The following SPTB variants were observed in gnomAD, a reference collection of about 807,000 sequenced individuals.
SPTB encodes the protein spectrin beta chain, erythrocytic.
Under a neutral mutation model 256.2 loss-of-function variants are expected in SPTB, and 45 were observed. That is an observed-to-expected ratio of 0.18 (90% confidence interval 0.14 to 0.23). The LOEUF (loss-of-function observed/expected upper bound fraction) is 0.23, where lower values mean the gene tolerates loss of function less well. Ranked by LOEUF, SPTB falls within the 10% of genes least tolerant of loss-of-function variation. The pLI, the probability that SPTB is intolerant of heterozygous loss-of-function variation, is 1.00. For synonymous variants in SPTB, 1,231 were observed against 1,243.1 expected, an observed-to-expected ratio of 0.99 and a Z score of 0.21; for missense variants, 2,715 against 3,040.4, an observed-to-expected ratio of 0.89 and a Z score of 2.52.
intron 20 of SPTB, among the ~76,000 whole-genome samples, chr14:64,781,030 C>T (rs2082460353): frequency 6.6e-6 from 1 of 152,092 alleles, no homozygotes; most frequent in Non-Finnish European, 1.5e-5. Context: ...ATATGCAGAA[C>T]ATTGAAGCTG....
At position 64,786,133 on chromosome 14, in the gene SPTB, A is replaced by G. The variant is rs554417386; in HGVS notation, c.3562-182T>C. Among the ~76,000 whole-genome samples the G allele has an allele frequency of 8.5e-5, 13 of 152,184 alleles. No individual in the cohort carries two copies. Among genetic ancestry groups the G allele is most frequent in the African/African-American group, 2.9e-4 (12 of 41,522 alleles). On this transcript the variant is annotated intron_variant, in intron 16 of 35. Coordinates refer to ENST00000644917, the MANE Select transcript of SPTB (RefSeq NM_001355436.2). This position sits in a 1 kb window ranked among gnomAD's most constrained non-coding sequence, Gnocchi z 5.6. ...CCCCACCCCTACCCCAGGGGCACACAATAAACAGTGTGCCTAAAGCCACAT... is the reference window on the plus strand; with the variant it reads ...CCCCACCCCTACCCCAGGGGCACACGATAAACAGTGTGCCTAAAGCCACAT...
At chr14:64,752,980 C>T (rs556291676) in intron 33 of SPTB, among the ~76,000 whole-genome samples, 6 of 152,138 alleles carry the variant, frequency 3.9e-5, no homozygotes, top group Middle Eastern at 3.4e-3. Flanking sequence ...AGTCAGTTCT[C>T]GGGGTCATAG....
At chr14:64,765,050 G>A (rs1218676362) in intron 32 of SPTB, among the ~76,000 whole-genome samples, 7 of 144,662 alleles carry the variant, frequency 4.8e-5, no homozygotes, top group Non-Finnish European at 9.2e-5. Flanking sequence ...GTGCGCGCGC[G>A]CGCGCGGGTG....
Position 64,746,496 on chromosome 14 carries a change from C to T in SPTB, c.*2810G>A, listed in dbSNP as rs1279003959. 6.5e-6 allele frequency: 1 copy of T among 152,764 alleles called. No individual in the cohort carries two copies. The highest frequency in any genetic ancestry group is 1.5e-5 in the Non-Finnish European group (1 of 68,138). The allele number at this position is 152,764 out of a possible 1,614,324, so 9.5% of individuals were successfully genotyped here. A position where few individuals can be genotyped will look rare whatever the true frequency, so the allele number is the denominator to read the frequency against. ...TCCAAGCCACCAAGCCATGTGGTCC[C>T]GCTGGCTTCATCCTCCTCTGGATTC... On this transcript the variant is annotated 3_prime_UTR_variant, in exon 36 of 36. Coordinates refer to ENST00000644917, the MANE Select transcript of SPTB (RefSeq NM_001355436.2). The surrounding 1 kb of genome is among the most constrained non-coding windows in gnomAD (Gnocchi z 4.9).
At position 64,785,064 on chromosome 14, in the gene SPTB, G is replaced by A. The variant is rs1272579376; in HGVS notation, c.3855+473C>T. 6.6e-6 allele frequency among the ~76,000 whole-genome samples: 1 copy of A among 152,190 alleles called. No homozygotes were observed. The highest frequency in any genetic ancestry group is 1.5e-5 in the Non-Finnish European group (1 of 68,036). Reference sequence around the variant, plus strand: ...AAGTTCTGATTCATCTGGCCTGAGTGGGACCCAGGGGTCTGCTTTAACTAG... The same window carrying A: ...AAGTTCTGATTCATCTGGCCTGAGTAGGACCCAGGGGTCTGCTTTAACTAG... On this transcript the variant is annotated intron_variant, in intron 18 of 35. Transcript: ENST00000644917. The surrounding 1 kb of genome is among the most constrained non-coding windows in gnomAD (Gnocchi z 4.4).
At chr14:64,794,792 G>T (rs1402212909) in intron 12 of SPTB, among the ~76,000 whole-genome samples, 175 bp from the exon 13 acceptor site, 1 of 152,224 alleles carries the variant, frequency 6.6e-6, no homozygotes, top group Non-Finnish European at 1.5e-5. Flanking sequence ...AGTGCCTACT[G>T]GGGGTGCCCA....
At chr14:64,751,123 T>C (rs1020767303) in intron 33 of SPTB, among the ~76,000 whole-genome samples, 1 of 146,988 alleles carries the variant, frequency 6.8e-6, no homozygotes, top group African/African-American at 2.5e-5. Context: ...ATAATATTTA[T>C]ATATAATATA....
At chr14:64,859,716 CTCTCTATATA>C (rs55702927) in intron 1 of SPTB, among the ~76,000 whole-genome samples, 85,009 of 124,722 alleles carry the variant, frequency 0.68, 26,534 homozygotes, top group Non-Finnish European at 0.76. Flanking sequence ...CTCTCTCTCT[CTCTCTATATA>C]TATATATATA....
rs1365838473 is a variant in SPTB, at chr14:64,844,080, C to T, written c.-51-20935G>A. Among the ~76,000 whole-genome samples, 3 of 152,114 alleles carry T rather than the reference C, an allele frequency of 2.0e-5. No individual in the cohort carries two copies. Among genetic ancestry groups the T allele is most frequent in the African/African-American group, 4.8e-5 (2 of 41,426 alleles). ...AACAAAAAAAGGCTACAGTTGAGAT[C>T]CAACAAGAGTGGACCTACCCATCCT... On this transcript the variant is annotated intron_variant, in intron 1 of 35. Transcript: ENST00000644917. This position sits in a 1 kb window ranked among gnomAD's most constrained non-coding sequence, Gnocchi z 4.1.
In SPTB at chr14:64,795,621, G is replaced by A. The variant is rs762807017; in HGVS notation, c.1360C>T (p.Leu454=). The change falls in exon 12 of 36, where the codon CTG becomes TTG. Residue 454 remains leucine, a synonymous_variant. Transcript: ENST00000644917. The surrounding 1 kb of genome is among the most constrained non-coding windows in gnomAD (Gnocchi z 6.5). ...LVAQDNFGYD[L]AAVEAAKKKH... ...TTCTTGGCGGCCTCCACAGCTGCCA[G>A]GTCATACCCAAAGTTATCCTGCCCC... 1.2e-6 allele frequency: 2 copies of A among 1,614,046 alleles called. No individual in the cohort carries two copies. The highest frequency in any genetic ancestry group is 1.3e-5 in the African/African-American group (1 of 75,030).
At chr14:64,776,564 CCA>C (rs2082360200) in intron 22 of SPTB, among the ~76,000 whole-genome samples, 1 of 152,140 alleles carries the variant, frequency 6.6e-6, no homozygotes, top group Admixed American at 6.5e-5. Context: ...CCTCAGCCTC[CCA>C]AGTAGCTTGG....
chr14:64,795,651 G>T lies in SPTB; in HGVS notation c.1342-12C>A, dbSNP rs374323227. ...TACCCAAAGTTATCCTGCCCCACCGGGAGAAAAACAGGCAGCTCAGTCAGA... is the reference window on the plus strand; with the variant it reads ...TACCCAAAGTTATCCTGCCCCACCGTGAGAAAAACAGGCAGCTCAGTCAGA... On this transcript the variant is annotated splice_polypyrimidine_tract_variant and intron_variant, in intron 11 of 35. Coordinates refer to ENST00000644917, the MANE Select transcript of SPTB (RefSeq NM_001355436.2). The surrounding 1 kb of genome is among the most constrained non-coding windows in gnomAD (Gnocchi z 6.5). 6.9e-5 allele frequency: 111 copies of T among 1,613,592 alleles called. No individual in the cohort carries two copies. Among genetic ancestry groups the T allele is most frequent in the Non-Finnish European group, 9.0e-5 (106 of 1,180,004 alleles).
In SPTB at chr14:64,823,885, C is replaced by T. The variant is rs1038192249; in HGVS notation, c.-51-740G>A. On this transcript the variant is annotated intron_variant, in intron 1 of 35. Transcript: ENST00000644917. This position sits in a 1 kb window ranked among gnomAD's most constrained non-coding sequence, Gnocchi z 6.5. Reference sequence around the variant, plus strand: ...AAGGAGCCTGCTGTCCCATCAAGCACGTGGCAGTCGGGGCATCCCATGGAC... The same window carrying T: ...AAGGAGCCTGCTGTCCCATCAAGCATGTGGCAGTCGGGGCATCCCATGGAC... Among the ~76,000 whole-genome samples the T allele has an allele frequency of 9.2e-5, 14 of 152,204 alleles. No homozygotes were observed. Among genetic ancestry groups the T allele is most frequent in the Admixed American group, 8.5e-4 (13 of 15,280 alleles).
intron 2 of SPTB, among the ~76,000 whole-genome samples, chr14:64,808,651 G>A (rs2083030724): frequency 6.6e-6 from 1 of 152,056 alleles, no homozygotes; most frequent in Non-Finnish European, 1.5e-5. Flanking sequence ...GGTGCTGCAG[G>A]GGCGTTGGGC....
Position 64,767,806 on chromosome 14 carries a change from T to C in SPTB, c.6076A>G (p.Ile2026Val). The C allele has an allele frequency of 6.2e-7, 1 of 1,614,002 alleles. No individual in the cohort carries two copies. The highest frequency in any genetic ancestry group is 8.5e-7 in the Non-Finnish European group (1 of 1,179,996). The change falls in exon 30 of 36, where the codon ATT (isoleucine) becomes GTT (valine). Residue 2026 changes from isoleucine (I) to valine (V), a missense_variant. Ile to Val is a conservative substitution (Grantham distance 29). Coordinates refer to ENST00000644917, the MANE Select transcript of SPTB (RefSeq NM_001355436.2). ...CTGGCCAGGTAGGGCTCCTGGGCAATCAGCCACGCCTCAGCCACAGAGGCA... is the reference window on the plus strand; with the variant it reads ...CTGGCCAGGTAGGGCTCCTGGGCAACCAGCCACGCCTCAGCCACAGAGGCA... ...RDASVAEAWL[I>V]AQEPYLASGD... is the part of the protein sequence containing the mutation.
intron 15 of SPTB, among the ~76,000 whole-genome samples, chr14:64,787,790 G>C (rs532645896): frequency 1.0e-3 from 156 of 152,332 alleles, no homozygotes; most frequent in African/African-American, 3.7e-3. Context: ...ATGTGCTAAG[G>C]TCTGGCGGAT....
In SPTB at chr14:64,796,681, C is replaced by T. The variant is rs147447737; in HGVS notation, c.1217G>A (p.Arg406Gln). Residue 406 changes from arginine to glutamine, a missense_variant, in exon 11 of 36, where the codon CGG (arginine) becomes CAG (glutamine). Arg to Gln is a conservative substitution (Grantham distance 43). Coordinates refer to ENST00000644917, the MANE Select transcript of SPTB (RefSeq NM_001355436.2). The surrounding 1 kb of genome is among the most constrained non-coding windows in gnomAD (Gnocchi z 4.1). ...GAGCTCATTTCTCAGGGCCAGCTCC[C>T]GCCGATACTCAGCTTCCTCCAGGCT... ...WESLEEAEYRRELALRNELIR... is the reference protein window; with the variant it reads ...WESLEEAEYRQELALRNELIR... 24 of 1,614,080 alleles carry T rather than the reference C, an allele frequency of 1.5e-5. No homozygotes were observed. The highest frequency in any genetic ancestry group is 2.7e-5 in the African/African-American group (2 of 74,920).
intron 24 of SPTB, among the ~76,000 whole-genome samples, chr14:64,773,885 C>G (rs1442047030): frequency 6.6e-6 from 1 of 152,182 alleles, no homozygotes; most frequent in Non-Finnish European, 1.5e-5. Flanking sequence ...GGTGGGCACC[C>G]TAATGGCAGC....
Position 64,785,554 on chromosome 14 carries a change from G to A in SPTB, c.3838C>T (p.Leu1280Phe). The A allele has an allele frequency of 6.2e-7, 1 of 1,613,612 alleles. No homozygotes were observed. Among genetic ancestry groups the A allele is most frequent in the African/African-American group, 1.3e-5 (1 of 75,048 alleles). The part of the protein sequence containing the change: ...LRDNLELQNF[L>F]QNCQELTLWI... Reference sequence around the variant, plus strand: ...AGCCTCACCTCCTGGCAGTTCTGGAGGAAGTTCTGTAGCTCCAGGTTGTCT... The same window carrying A: ...AGCCTCACCTCCTGGCAGTTCTGGAAGAAGTTCTGTAGCTCCAGGTTGTCT... Residue 1280 changes from leucine (L) to phenylalanine (F), a missense_variant, in exon 18 of 36, where the codon CTC becomes TTC. By Grantham distance (22) the Leu-to-Phe change is conservative. This residue lies in a region of SPTB where 2,239 missense variants were observed against 2,384.4 expected (regional missense o/e 0.94). Transcript: ENST00000644917. The surrounding 1 kb of genome is among the most constrained non-coding windows in gnomAD (Gnocchi z 4.4).
Sources: gnomAD v4.1 joint callset for allele counts (sites outside exome capture counted in the v4.1 genomes callset) on GRCh38, gnomAD v4.1.1 for gene constraint, gnomAD v4.1.1 regional missense constraint, Gnocchi (gnomAD v3.1) non-coding constraint, MANE v1.5 for transcripts, NCBI Gene and HGNC (gene_info 2026-07-23, HGNC 2026-07-21) for gene names.